Variants in CNGA1 observed in about 807,000 individuals in gnomAD.
CNGA1 encodes cyclic nucleotide gated channel subunit alpha 1.
CNGA1 carries 53 observed loss-of-function variants against 69.7 expected under a neutral mutation model. The ratio of observed to expected loss-of-function variants is 0.76; its 90% CI spans 0.61 to 0.96. The LOEUF (loss-of-function observed/expected upper bound fraction) is 0.96. CNGA1 is among the 40% of genes least tolerant of loss of function. The pLI is 0.00. For missense variants in CNGA1, 739 were observed against 811.2 expected, an observed-to-expected ratio of 0.91 and a Z score of 1.08; for synonymous variants, 249 against 283.5, an observed-to-expected ratio of 0.88 and a Z score of 1.22.
chr4:48,016,447 A>G, intron 1 of CNGA1, 36 bp downstream of exon 1: 2 of 234,820 alleles, frequency 8.5e-6, no homozygotes, highest in Non-Finnish European at 1.6e-5. Context: ...AGGGGGCCTC[A>G]GTGCAGCCTC....
intron 3 of CNGA1, among the ~76,000 whole-genome samples, chr4:47,960,591 A>C (rs1198362633): frequency 6.6e-6 from 1 of 152,246 alleles, no homozygotes; most frequent in East Asian, 1.9e-4. Context: ...CATATGATGA[A>C]ATGAAATAAT....
rs910102517 is a variant in CNGA1 at position 47,937,474 on chromosome 4, AGGATC to A, written c.1003_1007del (p.Asp335Ter). 6.2e-6 allele frequency: 10 copies of A among 1,614,106 alleles called. No homozygotes were observed. Among genetic ancestry groups the A allele is most frequent in the Non-Finnish European group, 3.4e-6 (4 of 1,180,030 alleles). On this transcript the variant is annotated frameshift_variant, in exon 11 of 11. Transcript: ENST00000514170. LOFTEE classifies it high-confidence loss of function. ...ATTTTCTAGCCAAACGGCCAAATTC[AGGATC>A]ATTAATATCAGGGTAGACCCATGTA...
chr4:47,980,459 T>G (rs1465297612), intron 3 of CNGA1, among the ~76,000 whole-genome samples: 1 of 94,004 alleles, frequency 1.1e-5, no homozygotes, highest in African/African-American at 3.1e-5. Context: ...CAGTTTTTTA[T>G]TTTTCTTTCT....
chr4:48,006,280 CAAT>C (rs1714913631), intron 2 of CNGA1, among the ~76,000 whole-genome samples: 1 of 152,002 alleles, frequency 6.6e-6, no homozygotes, highest in African/African-American at 2.4e-5. Context: ...CAAAAAAAGA[CAAT>C]AATTGTCTGT....
At chr4:48,004,200 G>T (rs1052939918) in intron 2 of CNGA1, among the ~76,000 whole-genome samples, 9 of 152,322 alleles carry the variant, frequency 5.9e-5, no homozygotes, top group African/African-American at 1.7e-4. Context: ...AGGGCCCCCT[G>T]TCCAGTGGAC....
chr4:47,989,043 C>G (rs1742121438), intron 2 of CNGA1, among the ~76,000 whole-genome samples: 1 of 152,060 alleles, frequency 6.6e-6, no homozygotes, highest in Middle Eastern at 3.2e-3. Flanking sequence ...AGATCCCCTA[C>G]TGTGAAAAGC....
chr4:47,987,229 C>T (rs1742016683), intron 2 of CNGA1, among the ~76,000 whole-genome samples: 1 of 152,136 alleles, frequency 6.6e-6, no homozygotes, highest in Non-Finnish European at 1.5e-5. Flanking sequence ...TATAGATGCT[C>T]ATTTGCATGA....
chr4:47,954,188 G>A (rs1216983573), intron 3 of CNGA1, among the ~76,000 whole-genome samples: 1 of 152,098 alleles, frequency 6.6e-6, no homozygotes, highest in East Asian at 1.9e-4. Context: ...CAGAACGGCG[G>A]AACTCCAGGG....
At chr4:47,944,443 G>A (rs1285481043) in intron 6 of CNGA1, among the ~76,000 whole-genome samples, 2 of 152,188 alleles carry the variant, frequency 1.3e-5, no homozygotes, top group Non-Finnish European at 2.9e-5. Context: ...TTCAAGATTT[G>A]ACAGCCTAGC....
chr4:47,944,692 GGT>G (rs1467200982), intron 6 of CNGA1, among the ~76,000 whole-genome samples: 2 of 152,166 alleles, frequency 1.3e-5, no homozygotes, highest in Admixed American at 1.3e-4. Context: ...GGAATGGGCT[GGT>G]GAGAGGGATA....
intron 1 of CNGA1, among the ~76,000 whole-genome samples, chr4:48,011,820 C>CAA (rs1253685128): frequency 6.6e-6 from 1 of 152,136 alleles, no homozygotes; most frequent in African/African-American, 2.4e-5. Context: ...TGCCTAAAGA[C>CAA]ACGGGATTCA....
At chr4:47,972,385 C>A (rs978098549) in intron 3 of CNGA1, among the ~76,000 whole-genome samples, 1 of 152,148 alleles carries the variant, frequency 6.6e-6, no homozygotes, top group Non-Finnish European at 1.5e-5. Flanking sequence ...GAGTGGTTCT[C>A]ATGTATGTTT....
At chr4:47,989,493 G>T (rs1036340603) in intron 2 of CNGA1, among the ~76,000 whole-genome samples, 1 of 151,666 alleles carries the variant, frequency 6.6e-6, no homozygotes, top group South Asian at 2.1e-4. Flanking sequence ...GAAATTTCAA[G>T]CCCCCTCATA....
intron 3 of CNGA1, among the ~76,000 whole-genome samples, chr4:47,961,452 T>C (rs1240099579): frequency 2.0e-5 from 3 of 152,198 alleles, no homozygotes; most frequent in African/African-American, 7.2e-5. Flanking sequence ...ACACTAAATA[T>C]GCTGTCCAGG....
chr4:47,987,646 G>C (rs112618653), intron 2 of CNGA1, among the ~76,000 whole-genome samples: 11 of 151,300 alleles, frequency 7.3e-5, no homozygotes, highest in African/African-American at 2.4e-4. Context: ...ACTCTAATAA[G>C]ATGGGAAAGA....
chr4:47,984,402 A>G (rs1578112377), intron 2 of CNGA1, among the ~76,000 whole-genome samples: 1 of 152,074 alleles, frequency 6.6e-6, no homozygotes, highest in Non-Finnish European at 1.5e-5. Flanking sequence ...TGGATCACAC[A>G]AGGTCAGAAT....
At chr4:48,003,895 C>G (rs1714774484) in intron 2 of CNGA1, among the ~76,000 whole-genome samples, 1 of 152,138 alleles carries the variant, frequency 6.6e-6, no homozygotes, top group South Asian at 2.1e-4. Context: ...GAAAGGGAGT[C>G]TCCCTTTCCC....
chr4:47,936,410 G>A lies in CNGA1; in HGVS notation c.*11C>T, dbSNP rs1303254309. 6.2e-7 allele frequency: 1 copy of A among 1,613,846 alleles called. No individual in the cohort carries two copies. Among genetic ancestry groups the A allele is most frequent in the Admixed American group, 1.7e-5 (1 of 60,004 alleles). ...TGAGGCATGTCCCTGTTAATGACCA[G>A]CTTTTCGGTTCTATGTAGAGTCGAT... On this transcript the variant is annotated 3_prime_UTR_variant, in exon 11 of 11. Coordinates refer to ENST00000514170, the MANE Select transcript of CNGA1 (RefSeq NM_001379270.1).
In CNGA1 at chr4:47,966,034, T is replaced by C. The variant is rs1740707487; in HGVS notation, c.-14-13331A>G. Among the ~76,000 whole-genome samples the C allele has an allele frequency of 1.3e-5, 2 of 152,230 alleles. 1 individual carries two copies. The highest frequency in any genetic ancestry group is 4.1e-4 in the South Asian group (2 of 4,836). On this transcript the variant is annotated intron_variant, in intron 3 of 10. Coordinates refer to ENST00000514170, the MANE Select transcript of CNGA1 (RefSeq NM_001379270.1). ...GAAACAATTGCTTTGGAAAGCAAGA[T>C]TCAGCTCTCATATTTAGCTGACTCA...
Sources: allele counts gnomAD v4.1 joint callset (sites outside exome capture counted in the v4.1 genomes callset), GRCh38; gene constraint gnomAD v4.1.1; transcripts MANE v1.5; gene names NCBI Gene and HGNC (gene_info 2026-07-23, HGNC 2026-07-21).